The following ZDHHC5 variants were observed in gnomAD, a reference collection of about 807,000 sequenced individuals.
The protein encoded by ZDHHC5 is palmitoyltransferase ZDHHC5.
Under a neutral mutation model 70.0 loss-of-function variants are expected in ZDHHC5, and 22 were observed. The observed-to-expected ratio is 0.31, with a 90% CI of 0.22 to 0.45. The LOEUF is 0.45. Among genes scored for constraint, ZDHHC5 ranks in the 20% least tolerant of loss-of-function variants. The pLI is 1.00. For synonymous variants in ZDHHC5, 313 were observed against 347.8 expected (o/e 0.90, Z 1.11); for missense variants, 746 against 926.9 (o/e 0.80, Z 2.53).
chr11:57,688,831 A>C (rs566067000), intron 4 of ZDHHC5, among the ~76,000 whole-genome samples, 166 bp downstream of exon 4: 1 of 152,368 alleles, frequency 6.6e-6, no homozygotes, highest in East Asian at 1.9e-4. Context: ...CATGAGAGGC[A>C]GAGCATAAAT....
chr11:57,673,338 T>C (rs1946030812), intron 2 of ZDHHC5, 144 bp downstream of exon 2: 1 of 703,880 alleles, frequency 1.4e-6, no homozygotes, highest in South Asian at 1.8e-5. Context: ...CCCAGAGACA[T>C]GTAAGAAAAA....
intron 10 of ZDHHC5, 117 bp downstream of exon 10, chr11:57,696,990 A>AT (rs1946361379): frequency 5.9e-6 from 6 of 1,018,106 alleles, no homozygotes; most frequent in Non-Finnish European, 8.8e-6. Flanking sequence ...AGGTCAAGAG[A>AT]TTGAGACCGT....
intron 6 of ZDHHC5, 133 bp downstream of exon 6, chr11:57,690,570 G>A: frequency 1.0e-6 from 1 of 983,230 alleles, no homozygotes; most frequent in Non-Finnish European, 1.6e-6. Context: ...GAGATTAATG[G>A]TAGGGAGTGA....
In ZDHHC5 at chr11:57,698,685, C is replaced by T. The variant is rs768197958; in HGVS notation, c.1249C>T (p.His417Tyr). ...FRSPTFGKSF[H>Y]FDPLSSGSRS... ...TTCTCCTACCTTTGGCAAAAGTTTT[C>T]ACTTCGATCCACTATCCAGTGGCTC... The change falls in exon 11 of 12, where the codon CAC becomes TAC. Residue 417 changes from histidine (H) to tyrosine (Y), a missense_variant. Physicochemically the swap from His to Tyr is moderately conservative, Grantham distance 83 (BLOSUM62 2). Coordinates refer to ENST00000287169, the MANE Select transcript of ZDHHC5 (RefSeq NM_015457.3). 6.2e-7 allele frequency: 1 copy of T among 1,614,178 alleles called. No homozygotes were observed. The highest frequency in any genetic ancestry group is 8.5e-7 in the Non-Finnish European group (1 of 1,180,026).
At position 57,672,888 on chromosome 11, in the gene ZDHHC5, C is replaced by T; in HGVS notation, c.-203C>T. 1 of 526,164 alleles carries T rather than the reference C, an allele frequency of 1.9e-6. No individual in the cohort carries two copies. Among genetic ancestry groups the T allele is most frequent in the Non-Finnish European group, 3.4e-6 (1 of 291,312 alleles). 32.6% of individuals were successfully genotyped at this position (526,164 alleles called of 1,614,324 possible). A position where few individuals can be genotyped will look rare whatever the true frequency, so the allele number is the denominator to read the frequency against. On this transcript the variant is annotated 5_prime_UTR_variant, in exon 2 of 12. Coordinates refer to ENST00000287169, the MANE Select transcript of ZDHHC5 (RefSeq NM_015457.3). ...TTATTCATCATTTGGAATCACCTTT[C>T]CCCCTCCCATGTGCTTTCCTTCATT...
chr11:57,690,742 G>T (rs575138208), intron 6 of ZDHHC5, among the ~76,000 whole-genome samples: 1 of 152,120 alleles, frequency 6.6e-6, no homozygotes, highest in African/African-American at 2.4e-5. Flanking sequence ...GCAAACTGTC[G>T]CAAGGACAGA....
At chr11:57,673,325 A>G in intron 2 of ZDHHC5, 131 bp downstream of exon 2, 2 of 748,930 alleles carry the variant, frequency 2.7e-6, no homozygotes, top group Non-Finnish European at 4.3e-6. Flanking sequence ...GGTAAATCCA[A>G]ATCCCAGAGA....
At chr11:57,675,706 C>T (rs1946063476) in intron 2 of ZDHHC5, among the ~76,000 whole-genome samples, 1 of 152,212 alleles carries the variant, frequency 6.6e-6, no homozygotes, top group Non-Finnish European at 1.5e-5. Context: ...ACTCTAGCAC[C>T]TAGCTCGGGT....
At chr11:57,676,827 G>C (rs566215085) in intron 2 of ZDHHC5, among the ~76,000 whole-genome samples, 8 of 150,274 alleles carry the variant, frequency 5.3e-5, no homozygotes, top group Admixed American at 2.0e-4. Context: ...TCATCAAACT[G>C]TGAATTAGTC....
At chr11:57,686,459 G>A (rs1260742692) in intron 3 of ZDHHC5, among the ~76,000 whole-genome samples, 1 of 151,924 alleles carries the variant, frequency 6.6e-6, no homozygotes, top group Admixed American at 6.6e-5. Flanking sequence ...GGAATTACAG[G>A]AGCGTGCCAC....
chr11:57,689,535 G>A (rs1387617789), intron 4 of ZDHHC5, among the ~76,000 whole-genome samples: 3 of 151,962 alleles, frequency 2.0e-5, no homozygotes, highest in Non-Finnish European at 2.9e-5. Context: ...GCGCTACCAC[G>A]CCCGGCTAAT....
rs967424490 is a variant in ZDHHC5 at position 57,672,471 on chromosome 11, G to C, written c.-620G>C. On this transcript the variant is annotated 5_prime_UTR_variant, in exon 2 of 12. Coordinates refer to ENST00000287169, the MANE Select transcript of ZDHHC5 (RefSeq NM_015457.3). ...GGTGTGGGAGTGGTGGCATTGAGAA[G>C]ACTACCTAAAAGAGACAAAGACTGC... 1.1e-5 allele frequency: 4 copies of C among 377,086 alleles called. No individual in the cohort carries two copies. The highest frequency in any genetic ancestry group is 8.3e-5 in the African/African-American group (4 of 48,194). The allele number at this position is 377,086 out of a possible 1,614,324, so 23.4% of individuals were successfully genotyped here.
chr11:57,696,703 T>A (rs1021619912), intron 9 of ZDHHC5, 58 bp from the exon 10 acceptor site: 10 of 1,491,428 alleles, frequency 6.7e-6, no homozygotes, highest in African/African-American at 2.8e-5. Context: ...TGAGACCCTG[T>A]CTCTTAAACC....
At position 57,698,586 on chromosome 11, in the gene ZDHHC5, C is replaced by T. The variant is rs1234220602; in HGVS notation, c.1150C>T (p.Pro384Ser). 1 of 1,610,986 alleles carries T rather than the reference C, an allele frequency of 6.2e-7. No homozygotes were observed. The highest frequency in any genetic ancestry group is 8.5e-7 in the Non-Finnish European group (1 of 1,178,412). ...GAGTCGTGGGGACAGCTTGAAGGAG[C>T]CAACCTCAATTGCAGAGAGCAGCCG... ...KLSRGDSLKE[P>S]TSIAESSRHP... Residue 384 changes from proline (P) to serine (S), a missense_variant, in exon 11 of 12, where the codon CCA becomes TCA. Transcript: ENST00000287169.
In ZDHHC5 at chr11:57,696,053, G is replaced by C. The variant is rs983840202; in HGVS notation, c.1009+10G>C. ...TTGGCTACTAATGAGGGTAAGGGCT[G>C]CCTTGATTTGCAAGATACTAGAACT... On this transcript the variant is annotated intron_variant, in intron 9 of 11. Coordinates refer to ENST00000287169, the MANE Select transcript of ZDHHC5 (RefSeq NM_015457.3). 26 of 1,603,904 alleles carry C rather than the reference G, an allele frequency of 1.6e-5. No homozygotes were observed. The highest frequency in any genetic ancestry group is 2.1e-5 in the Non-Finnish European group (25 of 1,176,874).
intron 2 of ZDHHC5, among the ~76,000 whole-genome samples, chr11:57,673,835 G>C (rs1489352359): frequency 6.6e-6 from 1 of 152,212 alleles, no homozygotes; most frequent in Non-Finnish European, 1.5e-5. Context: ...GCCTCCCAAA[G>C]TGCTGGGATT....
intron 3 of ZDHHC5, among the ~76,000 whole-genome samples, chr11:57,684,749 G>C (rs1946189503): frequency 6.6e-6 from 1 of 152,148 alleles, no homozygotes; most frequent in South Asian, 2.1e-4. Flanking sequence ...GTTGACAAAG[G>C]TTGTCACTGA....
chr11:57,684,547 T>A (rs1480991176), intron 3 of ZDHHC5, among the ~76,000 whole-genome samples: 1 of 152,118 alleles, frequency 6.6e-6, no homozygotes. Flanking sequence ...AGCTTGTTTG[T>A]AGCATGCAGA....
Position 57,668,128 on chromosome 11 carries a change from G to C in ZDHHC5, c.-1130G>C, listed in dbSNP as rs1249813673. Reference sequence around the variant, plus strand: ...GCGCGCTGCTTCTCTGAGGCAGGACGGCACTGCCGGGAGGCGGCGGTGACA... The same window carrying C: ...GCGCGCTGCTTCTCTGAGGCAGGACCGCACTGCCGGGAGGCGGCGGTGACA... On this transcript the variant is annotated 5_prime_UTR_variant, in exon 1 of 12. Coordinates refer to ENST00000287169, the MANE Select transcript of ZDHHC5 (RefSeq NM_015457.3). 3 of 371,578 alleles carry C rather than the reference G, an allele frequency of 8.1e-6. No homozygotes were observed. Among genetic ancestry groups the C allele is most frequent in the Non-Finnish European group, 1.4e-5 (3 of 208,680 alleles). The allele number at this position is 371,578 out of a possible 1,614,324, so 23.0% of individuals were successfully genotyped here.
Sources: allele counts gnomAD v4.1 joint callset (sites outside exome capture counted in the v4.1 genomes callset), GRCh38; gene constraint gnomAD v4.1.1; transcripts MANE v1.5; gene names NCBI Gene and HGNC (gene_info 2026-07-23, HGNC 2026-07-21).